Variants in TSNARE1 observed in about 807,000 individuals in gnomAD.
TSNARE1 encodes the protein t-SNARE domain-containing protein 1.
A neutral mutation model predicts 62.0 loss-of-function variants in TSNARE1; 49 were observed. The ratio of observed to expected loss-of-function variants is 0.79; its 90% CI spans 0.63 to 1.00. TSNARE1 has a LOEUF of 1.00. Among genes scored for constraint, TSNARE1 ranks in the 50% least tolerant of loss-of-function variants. The pLI, the probability that TSNARE1 is intolerant of heterozygous loss-of-function variation, is 0.00. For synonymous variants in TSNARE1, 328 were observed against 294.4 expected (o/e 1.11, Z -1.17); for missense variants, 755 against 700.1 (o/e 1.08, Z -0.88).
intron 10 of TSNARE1, among the ~76,000 whole-genome samples, chr8:142,288,532 G>C (rs2131000779): frequency 6.6e-6 from 1 of 152,362 alleles, no homozygotes; most frequent in Non-Finnish European, 1.5e-5. Flanking sequence ...CTCCTCCAAG[G>C]CCCCGGGTCC....
chr8:142,318,474 C>G, intron 7 of TSNARE1, 70 bp downstream of exon 7: 2 of 1,482,602 alleles, frequency 1.3e-6, no homozygotes, highest in Non-Finnish European at 9.3e-7. Flanking sequence ...CGTGTGACAT[C>G]CCTGCTCCCA....
chr8:142,224,976 C>A (rs1018406076), intron 13 of TSNARE1, among the ~76,000 whole-genome samples: 1 of 152,106 alleles, frequency 6.6e-6, no homozygotes, highest in African/African-American at 2.4e-5. Flanking sequence ...CCTGAGCCTG[C>A]AGGCTGGGAG....
Position 142,271,704 on chromosome 8 carries a change from G to A in TSNARE1, c.1446+3077C>T, listed in dbSNP as rs1356732888. On this transcript the variant is annotated intron_variant, in intron 12 of 13. Coordinates refer to ENST00000524325, the MANE Select transcript of TSNARE1 (RefSeq NM_145003.5). ...TCCTCCTCATCAGCTAACAGAGGGA[G>A]ACAGGAAAATGTCAGCCTGCACACC... 1.8e-5 allele frequency: 24 copies of A among 1,359,838 alleles called. No individual in the cohort carries two copies. In the South Asian group the frequency reaches 3.9e-4, roughly 22 times the overall value. The allele number at this position is 1,359,838 out of a possible 1,614,324, so 84.2% of individuals were successfully genotyped here.
At chr8:142,371,168 C>A (rs1387187496) in intron 1 of TSNARE1, among the ~76,000 whole-genome samples, 1 of 152,226 alleles carries the variant, frequency 6.6e-6, no homozygotes, top group Non-Finnish European at 1.5e-5. Flanking sequence ...CAACCCTGAA[C>A]AGCCTTGTAT....
At chr8:142,238,917 T>G (rs1563769600) in intron 12 of TSNARE1, among the ~76,000 whole-genome samples, 1 of 152,156 alleles carries the variant, frequency 6.6e-6, no homozygotes. Context: ...CTCAGACTTC[T>G]GCTCACCAGC....
intron 10 of TSNARE1, among the ~76,000 whole-genome samples, chr8:142,292,581 G>T (rs536967350): frequency 1.6e-4 from 25 of 152,276 alleles, no homozygotes; most frequent in Admixed American, 1.6e-3. Flanking sequence ...CAGACCCCAG[G>T]AGGCTGTCGA....
chr8:142,226,418 G>A (rs991989492), intron 13 of TSNARE1, among the ~76,000 whole-genome samples: 12 of 152,132 alleles, frequency 7.9e-5, no homozygotes, highest in African/African-American at 2.4e-4. Context: ...GGCGCCTCCC[G>A]CCCACCTCTC....
chr8:142,284,772 G>A (rs1034995443), intron 10 of TSNARE1, among the ~76,000 whole-genome samples: 2 of 152,200 alleles, frequency 1.3e-5, no homozygotes, highest in Admixed American at 6.5e-5. Flanking sequence ...ACCTCTCCAG[G>A]TGTCCTAGGG....
intron 13 of TSNARE1, among the ~76,000 whole-genome samples, chr8:142,217,325 A>AAGAAAGAG (rs1563750152): frequency 4.2e-5 from 2 of 47,684 alleles, no homozygotes; most frequent in Non-Finnish European, 1.0e-4. Flanking sequence ...GAAAGAAAGA[A>AAGAAAGAG]AGAAAGAAAG....
intron 4 of TSNARE1, 56 bp downstream of exon 4, chr8:142,343,910 C>T: frequency 7.0e-7 from 1 of 1,431,608 alleles, no homozygotes; most frequent in South Asian, 1.6e-5. Flanking sequence ...GATGGGCCCC[C>T]CCCTCCTGCT....
At chr8:142,328,728 T>G (rs148603447) in intron 6 of TSNARE1, among the ~76,000 whole-genome samples, 1,715 of 149,604 alleles carry the variant, frequency 0.011, 12 homozygotes, top group Middle Eastern at 0.017. Context: ...CAGACAGAAG[T>G]GCGTGAGCTG....
chr8:142,311,176 T>G (rs1216228291), intron 9 of TSNARE1, among the ~76,000 whole-genome samples: 2 of 150,934 alleles, frequency 1.3e-5, no homozygotes. Context: ...TTTTTTTTAA[T>G]TATTTGAGAC....
At chr8:142,367,213 C>G (rs571748321) in intron 1 of TSNARE1, among the ~76,000 whole-genome samples, 1 of 152,156 alleles carries the variant, frequency 6.6e-6, no homozygotes, top group South Asian at 2.1e-4. Flanking sequence ...TACCATCATG[C>G]GTTTTTATGG....
rs113746059 is a variant in TSNARE1, at chr8:142,251,688, G to A, written c.1447-22109C>T. The stretch of plus-strand genomic sequence containing the variant: ...AGGGCCTGGGCACCATATACCCACC[G>A]CCCGCGTTCTCTATCTGCAGGGCCC... On this transcript the variant is annotated intron_variant, in intron 12 of 13. Transcript: ENST00000524325. 1.5e-3 allele frequency among the ~76,000 whole-genome samples: 225 copies of A among 151,340 alleles called. 4 individuals carry two copies. The highest frequency in any genetic ancestry group is 5.5e-3 in the South Asian group (26 of 4,770).
intron 12 of TSNARE1, among the ~76,000 whole-genome samples, chr8:142,253,038 AG>A (rs1818250598): frequency 6.6e-6 from 1 of 152,190 alleles, no homozygotes; most frequent in South Asian, 2.1e-4. Context: ...CCAGGCCTGC[AG>A]GAGGGCATCT....
rs368237339 is a variant in TSNARE1 at position 142,308,573 on chromosome 8, G to A, written c.1131+5811C>T. ...CCATGCGTTGGTGTGTCCATAGGCT[G>A]GTGTGTCCACGGCTTGGTGTGTCCG... On this transcript the variant is annotated intron_variant, in intron 9 of 13. Coordinates refer to ENST00000524325, the MANE Select transcript of TSNARE1 (RefSeq NM_145003.5). 1.6e-4 allele frequency among the ~76,000 whole-genome samples: 24 copies of A among 152,212 alleles called. No homozygotes were observed. The East Asian group carries it at 2.7e-3, about 17-fold the overall frequency.
At chr8:142,281,855 C>G (rs1250292021) in intron 11 of TSNARE1, among the ~76,000 whole-genome samples, 5 of 152,132 alleles carry the variant, frequency 3.3e-5, no homozygotes, top group Admixed American at 3.3e-4. Context: ...AGCCTCCAGC[C>G]TCCCTGGCTC....
intron 11 of TSNARE1, chr8:142,278,735 G>C (rs1820912863): frequency 1.0e-6 from 1 of 985,328 alleles, no homozygotes. Context: ...CGTGGGCTCG[G>C]AAGGGGGCAC....
At chr8:142,259,566 C>T (rs1329297129) in intron 12 of TSNARE1, among the ~76,000 whole-genome samples, 2 of 152,204 alleles carry the variant, frequency 1.3e-5, no homozygotes, top group Admixed American at 6.5e-5. Flanking sequence ...TCTGTACCCG[C>T]GGACACTGCA....
Sources: gnomAD v4.1 joint callset for allele counts (sites outside exome capture counted in the v4.1 genomes callset) on GRCh38, gnomAD v4.1.1 for gene constraint, MANE v1.5 for transcripts, NCBI Gene and HGNC (gene_info 2026-07-23, HGNC 2026-07-21) for gene names.